The following ADD1 variants were observed in gnomAD, a reference collection of about 807,000 sequenced individuals.
The protein encoded by ADD1 is adducin 1, also known as alpha-adducin.
A neutral mutation model predicts 80.5 loss-of-function variants in ADD1; 24 were observed. The ratio of observed to expected loss-of-function variants is 0.30; its 90% confidence interval spans 0.22 to 0.42. ADD1 has a LOEUF of 0.42. Ranked by LOEUF, ADD1 falls within the 10% of genes least tolerant of loss-of-function variation. The pLI is 1.00. For missense variants in ADD1, 948 were observed against 1,019.0 expected, an observed-to-expected ratio of 0.93 and a Z score of 0.95; for synonymous variants, 373 against 393.8, an observed-to-expected ratio of 0.95 and a Z score of 0.63.
intron 14 of ADD1, 54 bp downstream of exon 14, chr4:2,915,094 G>A (rs1225693909): frequency 3.3e-6 from 5 of 1,535,978 alleles, no homozygotes; most frequent in Non-Finnish European, 4.4e-6. Context: ...AGTGCTCTGG[G>A]AGCTTCTTTG....
At chr4:2,862,215 A>G (rs1367192074) in intron 1 of ADD1, among the ~76,000 whole-genome samples, 1 of 152,228 alleles carries the variant, frequency 6.6e-6, no homozygotes, top group Non-Finnish European at 1.5e-5. Context: ...GACTCCTGAA[A>G]GTGGGAGCAG....
chr4:2,923,095 G>A (rs571532004), intron 14 of ADD1, among the ~76,000 whole-genome samples: 2 of 152,386 alleles, frequency 1.3e-5, no homozygotes, highest in East Asian at 3.9e-4. Flanking sequence ...GGGATCTGCT[G>A]AGCAAGACCA....
chr4:2,893,991 A>T (rs774710201), intron 4 of ADD1, 22 bp from the exon 5 acceptor site: 1 of 1,603,274 alleles, frequency 6.2e-7, no homozygotes, highest in Non-Finnish European at 8.5e-7. Flanking sequence ...TCTTTGAGCT[A>T]ATTCAGTCAT....
At chr4:2,868,709 A>G (rs1729942393) in intron 1 of ADD1, among the ~76,000 whole-genome samples, 1 of 152,154 alleles carries the variant, frequency 6.6e-6, no homozygotes, top group African/African-American at 2.4e-5. Flanking sequence ...AGGCCCACAG[A>G]CCAGTGATGG....
At chr4:2,892,136 C>T (rs1734393570) in intron 4 of ADD1, among the ~76,000 whole-genome samples, 1 of 152,090 alleles carries the variant, frequency 6.6e-6, no homozygotes, top group Non-Finnish European at 1.5e-5. Flanking sequence ...GAAACTAAAA[C>T]AAGCAGACCC....
intron 1 of ADD1, among the ~76,000 whole-genome samples, chr4:2,847,101 G>T (rs772580300): frequency 6.6e-6 from 1 of 151,614 alleles, no homozygotes; most frequent in Non-Finnish European, 1.5e-5. Flanking sequence ...TGGGCGACAC[G>T]GAGCGAGACT....
intron 1 of ADD1, among the ~76,000 whole-genome samples, chr4:2,872,490 T>A (rs975005990): frequency 1.3e-5 from 2 of 152,228 alleles, no homozygotes; most frequent in African/African-American, 4.8e-5. Context: ...TTTATACTCT[T>A]TTATCTGTAT....
At chr4:2,885,841 A>G (rs915918972) in intron 4 of ADD1, among the ~76,000 whole-genome samples, 9 of 151,652 alleles carry the variant, frequency 5.9e-5, no homozygotes, top group South Asian at 2.1e-4. Context: ...CGATCTCCTG[A>G]CCTTGTGATC....
chr4:2,876,835 T>C, intron 2 of ADD1, among the ~76,000 whole-genome samples: 1 of 131,398 alleles, frequency 7.6e-6, no homozygotes, highest in South Asian at 2.4e-4. Context: ...AGAGACTCCG[T>C]CCCAAAAAAA....
chr4:2,850,650 C>T (rs1176973329), intron 1 of ADD1, among the ~76,000 whole-genome samples: 8 of 152,246 alleles, frequency 5.3e-5, no homozygotes, highest in Admixed American at 5.2e-4. Context: ...TGGTCTCAAT[C>T]TCCTGACCTC....
chr4:2,885,850 T>C (rs1342655372), intron 4 of ADD1, among the ~76,000 whole-genome samples: 6 of 152,128 alleles, frequency 3.9e-5, no homozygotes, highest in East Asian at 1.9e-4. Context: ...GACCTTGTGA[T>C]CCGCCCGCCT....
At chr4:2,867,698 C>T (rs1431362994) in intron 1 of ADD1, among the ~76,000 whole-genome samples, 6 of 152,180 alleles carry the variant, frequency 3.9e-5, no homozygotes, top group Non-Finnish European at 7.3e-5. Flanking sequence ...AGGGAGGAAG[C>T]AAGAGGACCC....
rs184674301 is a variant in ADD1 at position 2,915,132 on chromosome 4, A to G, written c.1948+92A>G. 318 of 1,374,528 alleles carry G rather than the reference A, an allele frequency of 2.3e-4. 1 individual carries two copies. The East Asian group carries it at 7.1e-3, about 31-fold the overall frequency. The allele number at this position is 1,374,528 out of a possible 1,614,324, so 85.1% of individuals were successfully genotyped here. ...GTCCAGGTGCTGGCTGTGGGTGGTG[A>G]TAAGAATAGTCACATGCATCAAAGA... On this transcript the variant is annotated intron_variant, in intron 14 of 15. Transcript: ENST00000683351.
chr4:2,848,448 A>G (rs1161531879), intron 1 of ADD1, among the ~76,000 whole-genome samples: 1 of 152,130 alleles, frequency 6.6e-6, no homozygotes, highest in Admixed American at 6.6e-5. Context: ...CAGCTTAAAC[A>G]TGTTGAGCAT....
intron 12 of ADD1, 113 bp downstream of exon 12, chr4:2,908,717 C>A: frequency 1.1e-6 from 1 of 878,668 alleles, no homozygotes. Flanking sequence ...TCTAGGCAAC[C>A]AGTTACCTTT....
Position 2,926,534 on chromosome 4 carries a change from C to T in ADD1, c.2047+422C>T, listed in dbSNP as rs569137655. On this transcript the variant is annotated intron_variant, in intron 15 of 15. Coordinates refer to ENST00000683351, the MANE Select transcript of ADD1 (RefSeq NM_001354761.2). This position sits in a 1 kb window ranked among gnomAD's most constrained non-coding sequence, Gnocchi z 5.0. ...CTCGGTCTCGTACATCCATGTCTCT[C>T]GTGAAGCCCGTGGCCCTGCCTTTCT... 5.2e-5 allele frequency: 62 copies of T among 1,200,492 alleles called. No individual in the cohort carries two copies. The highest frequency in any genetic ancestry group is 4.5e-4 in the East Asian group (18 of 39,818). The allele number at this position is 1,200,492 out of a possible 1,614,324, so 74.4% of individuals were successfully genotyped here. A position where few individuals can be genotyped will look rare whatever the true frequency, so the allele number is the denominator to read the frequency against.
intron 3 of ADD1, 124 bp from the exon 4 acceptor site, chr4:2,884,391 A>C (rs1000918379): frequency 3.2e-6 from 2 of 624,650 alleles, no homozygotes; most frequent in Non-Finnish European, 5.1e-6. Context: ...CACAGCTGCT[A>C]TCATAAGCAC....
chr4:2,911,539 C>T lies in ADD1; in HGVS notation c.1791+2108C>T, dbSNP rs182939826. The stretch of plus-strand genomic sequence containing the variant: ...TTGGCCCACTGCAACCTCCGCCTCC[C>T]GGGCTCAAGCAGTCCTCCCTCCTCC... On this transcript the variant is annotated intron_variant, in intron 13 of 15. Coordinates refer to ENST00000683351, the MANE Select transcript of ADD1 (RefSeq NM_001354761.2). Among the ~76,000 whole-genome samples the T allele has an allele frequency of 1.2e-3, 177 of 151,510 alleles. 1 individual carries two copies. Among genetic ancestry groups the T allele is most frequent in the Non-Finnish European group, 1.7e-3 (118 of 67,872 alleles).
At chr4:2,906,159 G>A (rs1737020249) in intron 10 of ADD1, among the ~76,000 whole-genome samples, 1 of 152,204 alleles carries the variant, frequency 6.6e-6, no homozygotes, top group African/African-American at 2.4e-5. Flanking sequence ...ATCTTCCCCA[G>A]GTGGTCCTGG....
Sources: gnomAD v4.1 joint callset for allele counts (sites outside exome capture counted in the v4.1 genomes callset) on GRCh38, gnomAD v4.1.1 for gene constraint, Gnocchi (gnomAD v3.1) non-coding constraint, MANE v1.5 for transcripts, NCBI Gene and HGNC (gene_info 2026-07-23, HGNC 2026-07-21) for gene names.